ATP8A2: variants seen among roughly 807,000 people sequenced by gnomAD.
ATP8A2 encodes phospholipid-transporting ATPase IB.
ATP8A2 carries 100 observed loss-of-function variants against 165.6 expected under a neutral mutation model. The ratio of observed to expected loss-of-function variants is 0.60; its 90% CI spans 0.51 to 0.71. The LOEUF is 0.71. Ranked by LOEUF, ATP8A2 falls within the 30% of genes least tolerant of loss-of-function variation. The probability of loss-of-function intolerance (pLI) is 0.00; values close to 1 mark genes in which losing one functional copy is unlikely to be tolerated. For missense variants in ATP8A2, 1,227 were observed against 1,479.5 expected (o/e 0.83, Z 2.80); for synonymous variants, 543 against 548.8 (o/e 0.99, Z 0.15).
At chr13:25,512,904 C>CGG (rs2037300181) in intron 2 of ATP8A2, among the ~76,000 whole-genome samples, 2 of 132,824 alleles carry the variant, frequency 1.5e-5, no homozygotes, top group African/African-American at 5.8e-5. Context: ...GCTGGCCAGG[C>CGG]GGGGGGCTGA....
intron 35 of ATP8A2, among the ~76,000 whole-genome samples, chr13:25,994,879 C>T (rs1956465908): frequency 6.6e-6 from 1 of 151,998 alleles, no homozygotes; most frequent in Non-Finnish European, 1.5e-5. Flanking sequence ...ATAATAGTAG[C>T]TTCATAAATA....
chr13:25,602,935 G>A (rs770676039), intron 24 of ATP8A2, among the ~76,000 whole-genome samples: 1 of 151,966 alleles, frequency 6.6e-6, no homozygotes, highest in African/African-American at 2.4e-5. Context: ...AGCCAGGCAT[G>A]GGGGGGTGTG....
In ATP8A2 at chr13:25,798,075, A is replaced by G. The variant is rs557394558; in HGVS notation, c.2679+23116A>G. On this transcript the variant is annotated intron_variant, in intron 27 of 36. Coordinates refer to ENST00000381655, the MANE Select transcript of ATP8A2 (RefSeq NM_016529.6). ...TTTTTTCAAGAATTCCTTAACTCCC[A>G]TGTTATTTTCCCTGTTTAATTTTGC... Among the ~76,000 whole-genome samples, 25 of 152,132 alleles carry G rather than the reference A, an allele frequency of 1.6e-4. No individual in the cohort carries two copies. In the South Asian group the frequency reaches 4.6e-3, roughly 28 times the overall value.
At chr13:25,798,038 C>A (rs1950532427) in intron 27 of ATP8A2, among the ~76,000 whole-genome samples, 1 of 151,966 alleles carries the variant, frequency 6.6e-6, no homozygotes, top group Non-Finnish European at 1.5e-5. Flanking sequence ...TTTTTGTATT[C>A]CATGATTAAT....
At chr13:25,615,883 G>GT (rs2040810631) in intron 24 of ATP8A2, among the ~76,000 whole-genome samples, 1 of 152,102 alleles carries the variant, frequency 6.6e-6, no homozygotes, top group Admixed American at 6.5e-5. Flanking sequence ...GGCACTCACA[G>GT]TTTTTTAGCT....
chr13:25,695,805 C>A (rs978184950), intron 24 of ATP8A2, among the ~76,000 whole-genome samples: 3 of 147,582 alleles, frequency 2.0e-5, no homozygotes, highest in Non-Finnish European at 4.5e-5. Flanking sequence ...AAGTCTCAAA[C>A]TTTTCAAAGT....
chr13:25,822,119 C>T (rs1018494500), intron 27 of ATP8A2, among the ~76,000 whole-genome samples: 2 of 152,214 alleles, frequency 1.3e-5, no homozygotes, highest in Middle Eastern at 3.4e-3. Flanking sequence ...TCTTATCTTG[C>T]AGTGCATGGG....
chr13:25,561,098 G>T (rs1003513297), intron 15 of ATP8A2, among the ~76,000 whole-genome samples: 2 of 152,050 alleles, frequency 1.3e-5, no homozygotes, highest in African/African-American at 4.8e-5. Context: ...TGTTAGCCAG[G>T]ATGGTCTTGA....
chr13:25,939,602 T>G (rs1017670034), intron 33 of ATP8A2, among the ~76,000 whole-genome samples: 1 of 152,200 alleles, frequency 6.6e-6, no homozygotes, highest in Non-Finnish European at 1.5e-5. Flanking sequence ...TCTGTTACCA[T>G]GTCTTCATAC....
At chr13:25,738,573 G>A (rs2043837479) in intron 25 of ATP8A2, among the ~76,000 whole-genome samples, 1 of 152,236 alleles carries the variant, frequency 6.6e-6, no homozygotes, top group Non-Finnish European at 1.5e-5. Flanking sequence ...AGGGTGGGAA[G>A]GGGCCTGGGC....
chr13:25,961,456 C>T (rs1955658337), intron 33 of ATP8A2, 119 bp from the exon 34 acceptor site: 1 of 794,896 alleles, frequency 1.3e-6, no homozygotes, highest in African/African-American at 1.7e-5. Context: ...GGTTACCTCT[C>T]ATTGCATTTA....
intron 1 of ATP8A2, among the ~76,000 whole-genome samples, chr13:25,466,471 C>G (rs932353613): frequency 6.6e-6 from 1 of 152,162 alleles, no homozygotes; most frequent in Non-Finnish European, 1.5e-5. Flanking sequence ...TCTGAGCCTC[C>G]TTAGCACCTT....
Position 25,574,829 on chromosome 13 carries a change from G to A in ATP8A2, c.1684G>A (p.Gly562Arg), listed in dbSNP as rs1362989321. ...TTAGATGGGACAGGAACAAACATTC[G>A]GAATCCTTAATGTCCTGGAATTTTC... ...IEAMGQEQTFGILNVLEFSSD... is the reference protein window; with the variant it reads ...IEAMGQEQTFRILNVLEFSSD... The change falls in exon 19 of 37, where the codon GGA becomes AGA. Residue 562 changes from glycine (G) to arginine (R), a missense_variant. Around this residue, in one of 5 missense-constraint regions of ATP8A2, gnomAD observed 592 missense variants for 785.6 expected, o/e 0.75. Coordinates refer to ENST00000381655, the MANE Select transcript of ATP8A2 (RefSeq NM_016529.6). 1.3e-6 allele frequency: 2 copies of A among 1,557,778 alleles called. No homozygotes were observed. The highest frequency in any genetic ancestry group is 1.7e-5 in the Admixed American group (1 of 58,924).
At chr13:25,917,517 G>A (rs1004499872) in intron 33 of ATP8A2, among the ~76,000 whole-genome samples, 1 of 152,266 alleles carries the variant, frequency 6.6e-6, no homozygotes, top group African/African-American at 2.4e-5. Flanking sequence ...ACAGAGAAGA[G>A]GTAATCTACC....
rs539321190 is a variant in ATP8A2, at chr13:26,017,437, G to A, written c.3470-2451G>A. ...GCTTTGAAACATCCCAAGGAAAGAC[G>A]TCTCCTCTTGGACTGCAGTAAAAAT... On this transcript the variant is annotated intron_variant, in intron 36 of 36. Coordinates refer to ENST00000381655, the MANE Select transcript of ATP8A2 (RefSeq NM_016529.6). Among the ~76,000 whole-genome samples the A allele has an allele frequency of 1.1e-4, 16 of 152,316 alleles. No homozygotes were observed. The South Asian group carries it at 1.7e-3, about 16-fold the overall frequency.
At chr13:25,521,056 A>G (rs2037656922) in intron 2 of ATP8A2, among the ~76,000 whole-genome samples, 1 of 152,078 alleles carries the variant, frequency 6.6e-6, no homozygotes, top group Non-Finnish European at 1.5e-5. Context: ...TATAATAGCC[A>G]TTTACACTGC....
intron 23 of ATP8A2, among the ~76,000 whole-genome samples, chr13:25,584,575 T>G (rs996034748): frequency 6.6e-6 from 1 of 152,222 alleles, no homozygotes; most frequent in Non-Finnish European, 1.5e-5. Context: ...CTGAAAACTC[T>G]TTTTTTAATA....
At chr13:26,018,164 C>T (rs1253528949) in intron 36 of ATP8A2, among the ~76,000 whole-genome samples, 4 of 152,200 alleles carry the variant, frequency 2.6e-5, no homozygotes, top group Admixed American at 6.5e-5. Context: ...TTGCCTCCCC[C>T]GATAACCCCC....
chr13:25,938,791 G>C (rs1202246078), intron 33 of ATP8A2, among the ~76,000 whole-genome samples: 1 of 151,958 alleles, frequency 6.6e-6, no homozygotes, highest in Non-Finnish European at 1.5e-5. Context: ...ATGGAAGGAT[G>C]TCTGCAACAC....
Sources: allele counts gnomAD v4.1 joint callset (sites outside exome capture counted in the v4.1 genomes callset), GRCh38; gene constraint gnomAD v4.1.1; regional missense constraint gnomAD v4.1.1; transcripts MANE v1.5; gene names NCBI Gene and HGNC (gene_info 2026-07-23, HGNC 2026-07-21).